CAMTA1: variants seen among roughly 807,000 people sequenced by gnomAD.
CAMTA1 encodes calmodulin binding transcription activator 1.
In CAMTA1, 27 loss-of-function variants were observed where a neutral mutation model predicts 170.9. The ratio of observed to expected loss-of-function variants is 0.16; its 90% CI spans 0.12 to 0.22. CAMTA1 has a LOEUF of 0.22. Ranked by LOEUF, CAMTA1 falls within the 10% of genes least tolerant of loss-of-function variation. The pLI, the probability that CAMTA1 is intolerant of heterozygous loss-of-function variation, is 1.00. For synonymous variants in CAMTA1, 833 were observed against 891.5 expected (o/e 0.93, Z 1.17); for missense variants, 1,619 against 2,217.2 (o/e 0.73, Z 5.42).
At chr1:7,160,236 C>G (rs1242291464) in intron 4 of CAMTA1, among the ~76,000 whole-genome samples, 1 of 152,044 alleles carries the variant, frequency 6.6e-6, no homozygotes, top group African/African-American at 2.4e-5. Context: ...GCAACTCCAT[C>G]TCAAAAAAAT....
chr1:6,901,980 G>C (rs938002656), intron 3 of CAMTA1, among the ~76,000 whole-genome samples: 2 of 150,910 alleles, frequency 1.3e-5, no homozygotes, highest in African/African-American at 4.9e-5. Context: ...AGGAGTTGGA[G>C]GTTGCAGTGA....
rs12064616 is a variant in CAMTA1 at position 7,319,479 on chromosome 1, A to G, written c.438+69853A>G. On this transcript the variant is annotated intron_variant, in intron 5 of 22. Transcript: ENST00000303635. Reference sequence around the variant, plus strand: ...TGCTGTGCCTTCTGCCATGATTGTAAGTTCCCTGAGGCCTCCCCAAAAGCT... The same window carrying G: ...TGCTGTGCCTTCTGCCATGATTGTAGGTTCCCTGAGGCCTCCCCAAAAGCT... Among the ~76,000 whole-genome samples the G allele has an allele frequency of 6.2e-3, 945 of 152,226 alleles. 6 individuals are homozygous for G. Among genetic ancestry groups the G allele is most frequent in the African/African-American group, 0.02 (847 of 41,518 alleles).
chr1:7,080,707 G>C (rs1484931465), intron 3 of CAMTA1, among the ~76,000 whole-genome samples: 1 of 152,024 alleles, frequency 6.6e-6, no homozygotes, highest in African/African-American at 2.4e-5. Flanking sequence ...GCTAATTTTT[G>C]TATTTTTAAT....
At chr1:7,558,642 T>TC (rs2094913541) in intron 6 of CAMTA1, among the ~76,000 whole-genome samples, 1 of 152,134 alleles carries the variant, frequency 6.6e-6, no homozygotes, top group African/African-American at 2.4e-5. Context: ...TACATCCCTG[T>TC]CCCCCCAGCC....
chr1:7,460,178 AG>A, intron 5 of CAMTA1, among the ~76,000 whole-genome samples: 1 of 152,340 alleles, frequency 6.6e-6, no homozygotes, highest in South Asian at 2.1e-4. Flanking sequence ...AGAGCTGGGG[AG>A]GGGCCCGCCG....
At chr1:6,878,814 C>A (rs1180183022) in intron 3 of CAMTA1, among the ~76,000 whole-genome samples, 1 of 152,190 alleles carries the variant, frequency 6.6e-6, no homozygotes, top group Non-Finnish European at 1.5e-5. Flanking sequence ...CAGTTTCTTA[C>A]CCCTCCTCAA....
Position 7,592,006 on chromosome 1 carries a change from C to T in CAMTA1, c.511-48394C>T, listed in dbSNP as rs1475915389. On this transcript the variant is annotated intron_variant, in intron 6 of 22. Transcript: ENST00000303635. This position sits in a 1 kb window ranked among gnomAD's most constrained non-coding sequence, Gnocchi z 4.6. ...CTCCGCCTTGTGGGTTCAAGTGATT[C>T]TCCTGCCTCAGCCTCCTAAGTAGCT... is the stretch of plus-strand genomic sequence containing the variant. Among the ~76,000 whole-genome samples the T allele has an allele frequency of 1.3e-5, 2 of 152,202 alleles. No individual in the cohort carries two copies. Among genetic ancestry groups the T allele is most frequent in the Non-Finnish European group, 2.9e-5 (2 of 68,038 alleles).
intron 5 of CAMTA1, among the ~76,000 whole-genome samples, chr1:7,369,761 G>A (rs543529117): frequency 4.3e-4 from 65 of 152,172 alleles, no homozygotes; most frequent in African/African-American, 1.5e-3. Context: ...TGAGGTCATG[G>A]GACCCCAAAC....
At chr1:7,369,043 G>C (rs1273589005) in intron 5 of CAMTA1, 1 of 152,358 alleles carries the variant, frequency 6.6e-6, no homozygotes. Flanking sequence ...GGAGGCCGGA[G>C]AGGATGGCCA....
At chr1:7,103,077 T>G (rs1573046805) in intron 4 of CAMTA1, among the ~76,000 whole-genome samples, 3 of 134,896 alleles carry the variant, frequency 2.2e-5, no homozygotes, top group Admixed American at 7.5e-5. Flanking sequence ...GTGCATGGGG[T>G]GGGGGAGGTT....
At chr1:7,107,032 G>A (rs555192424) in intron 4 of CAMTA1, among the ~76,000 whole-genome samples, 1 of 152,202 alleles carries the variant, frequency 6.6e-6, no homozygotes, top group East Asian at 1.9e-4. Context: ...GATGGCAGGT[G>A]GGGTGGGGAG....
chr1:7,754,461 G>A (rs1036327460), intron 21 of CAMTA1, among the ~76,000 whole-genome samples: 3 of 152,130 alleles, frequency 2.0e-5, no homozygotes, highest in South Asian at 2.1e-4. Flanking sequence ...GCTGTGTCCC[G>A]TGTTTACTTT....
chr1:7,599,333 G>T (rs183462452), intron 6 of CAMTA1, among the ~76,000 whole-genome samples: 1 of 152,152 alleles, frequency 6.6e-6, no homozygotes, highest in Admixed American at 6.5e-5. Context: ...TGCTGTTTTG[G>T]TTACTGTAGC....
intron 4 of CAMTA1, among the ~76,000 whole-genome samples, chr1:7,190,305 G>T (rs1302582578): frequency 6.6e-6 from 1 of 151,958 alleles, no homozygotes; most frequent in Admixed American, 6.6e-5. Flanking sequence ...TAAAAATCAA[G>T]CCACAAAAGA....
At chr1:7,026,257 C>A (rs1159345918) in intron 3 of CAMTA1, among the ~76,000 whole-genome samples, 2 of 152,164 alleles carry the variant, frequency 1.3e-5, no homozygotes, top group African/African-American at 2.4e-5. Flanking sequence ...AGGCGTGAGG[C>A]AGGCAGCAGT....
At chr1:7,630,640 G>A (rs947449843) in intron 6 of CAMTA1, among the ~76,000 whole-genome samples, 5 of 152,214 alleles carry the variant, frequency 3.3e-5, no homozygotes, top group African/African-American at 7.2e-5. Flanking sequence ...AAGGGCTGCC[G>A]GCCTGACTCC....
intron 4 of CAMTA1, among the ~76,000 whole-genome samples, chr1:7,174,254 C>T (rs1186538773): frequency 1.3e-5 from 2 of 152,106 alleles, no homozygotes; most frequent in Admixed American, 6.5e-5. Flanking sequence ...CAGCTGCAAC[C>T]GCTATACATA....
chr1:7,457,991 G>T (rs558766417), intron 5 of CAMTA1, among the ~76,000 whole-genome samples: 1 of 152,200 alleles, frequency 6.6e-6, no homozygotes, highest in Admixed American at 6.5e-5. Flanking sequence ...TGATGGGGTG[G>T]GGCGCCCACG....
At position 6,820,669 on chromosome 1, in the gene CAMTA1, TTCC is replaced by T. The variant is rs143589342; in HGVS notation, c.115+425_115+427del. The stretch of plus-strand genomic sequence containing the variant: ...TGGGCAAATTAATCTGAGCCTCATG[TTCC>T]TCCTCTGTAAAATGGGAGTAATTAA... On this transcript the variant is annotated intron_variant, in intron 2 of 22. Coordinates refer to ENST00000303635, the MANE Select transcript of CAMTA1 (RefSeq NM_015215.4). Among the ~76,000 whole-genome samples the T allele has an allele frequency of 9.0e-3, 1,378 of 152,334 alleles. 15 individuals are homozygous for T. Among genetic ancestry groups the T allele is most frequent in the African/African-American group, 0.031 (1,275 of 41,566 alleles).
Sources: allele counts gnomAD v4.1 joint callset (sites outside exome capture counted in the v4.1 genomes callset), GRCh38; gene constraint gnomAD v4.1.1; non-coding constraint Gnocchi (gnomAD v3.1); transcripts MANE v1.5; gene names NCBI Gene and HGNC (gene_info 2026-07-23, HGNC 2026-07-21).